The following RC3H2 variants were observed in gnomAD, a reference collection of about 807,000 sequenced individuals.
The protein encoded by RC3H2 is roquin-2.
RC3H2 carries 31 observed loss-of-function variants against 133.3 expected under a neutral mutation model. That is an observed-to-expected ratio of 0.23 (90% CI 0.17 to 0.31). The LOEUF (loss-of-function observed/expected upper bound fraction) is 0.31, where lower values mean the gene tolerates loss of function less well. RC3H2 is among the 10% of genes least tolerant of loss of function. The pLI is 1.00. For synonymous variants in RC3H2, 517 were observed against 502.2 expected (o/e 1.03, Z -0.40); for missense variants, 1,175 against 1,437.2 (o/e 0.82, Z 2.95).
chr9:122,853,739 T>C, intron 18 of RC3H2: 1 of 1,300,592 alleles, frequency 7.7e-7, no homozygotes. Flanking sequence ...AGAGCAAGAT[T>C]CCATCTCAAA....
chr9:122,900,703 G>C (rs1313792328), intron 1 of RC3H2, among the ~76,000 whole-genome samples: 2 of 152,064 alleles, frequency 1.3e-5, no homozygotes, highest in Non-Finnish European at 2.9e-5. Flanking sequence ...TACTACTGAA[G>C]TATTCTTCTC....
chr9:122,872,873 A>G (rs1831159646), intron 9 of RC3H2, among the ~76,000 whole-genome samples: 1 of 152,240 alleles, frequency 6.6e-6, no homozygotes, highest in Admixed American at 6.5e-5. Flanking sequence ...GGCATGAGCC[A>G]CTGCTCCTGG....
intron 15 of RC3H2, 101 bp from the exon 16 acceptor site, chr9:122,854,716 G>T: frequency 2.6e-6 from 2 of 763,130 alleles, no homozygotes; most frequent in African/African-American, 1.7e-5. Context: ...TATCCCACTA[G>T]CCATATGATG....
At chr9:122,865,006 G>A (rs1164697105) in intron 10 of RC3H2, among the ~76,000 whole-genome samples, 2 of 152,024 alleles carry the variant, frequency 1.3e-5, no homozygotes, top group Non-Finnish European at 2.9e-5. Context: ...TACCTGCTTA[G>A]GTTTCTATTT....
chr9:122,850,435 T>TATAGATAGCTAGATAGATAG (rs1829977172), intron 20 of RC3H2, among the ~76,000 whole-genome samples: 1 of 149,862 alleles, frequency 6.7e-6, no homozygotes, highest in Non-Finnish European at 1.5e-5. Context: ...GCTATCTATC[T>TATAGATAGCTAGATAGATAG]ATAGATAGAT....
Position 122,859,966 on chromosome 9 carries a change from T to C in RC3H2, c.1800A>G (p.Gln600=). ...CAAAGGGTATCTGAGTCCTTGGATC[T>C]TGAAAATACTGAATGTTTTCAGAAT... ...PPHSENIQYF[Q]DPRTQIPFEV... is the part of the protein sequence containing the mutation. Residue 600 remains glutamine (Q), a synonymous_variant, in exon 11 of 21, where the codon CAA becomes CAG. Coordinates refer to ENST00000357244, the MANE Select transcript of RC3H2 (RefSeq NM_001100588.3). 3.1e-6 allele frequency: 5 copies of C among 1,614,214 alleles called. No individual in the cohort carries two copies. Among genetic ancestry groups the C allele is most frequent in the African/African-American group, 1.3e-5 (1 of 75,062 alleles).
chr9:122,897,038 A>G (rs1832451315), intron 2 of RC3H2, among the ~76,000 whole-genome samples: 1 of 150,238 alleles, frequency 6.7e-6, no homozygotes, highest in Non-Finnish European at 1.5e-5. Context: ...AAAAAAAAAA[A>G]AAAAAAAAAA....
intron 9 of RC3H2, among the ~76,000 whole-genome samples, chr9:122,869,190 G>A (rs1448311776): frequency 6.6e-6 from 1 of 152,068 alleles, no homozygotes; most frequent in Non-Finnish European, 1.5e-5. Context: ...ACGGGTGTGA[G>A]CCACCATGCC....
rs79170821 is a variant in RC3H2, at chr9:122,871,924, G to A, written c.1325+5547C>T. Among the ~76,000 whole-genome samples, 857 of 151,876 alleles carry A rather than the reference G, an allele frequency of 5.6e-3. 5 individuals carry two copies. The highest frequency in any genetic ancestry group is 0.049 in the East Asian group (252 of 5,146). ...GAGTCTCCATCACCCAGGCAGGAGT[G>A]AGTCACCATGCCCAGCCAATTTTTT... On this transcript the variant is annotated intron_variant, in intron 9 of 20. Coordinates refer to ENST00000357244, the MANE Select transcript of RC3H2 (RefSeq NM_001100588.3).
At chr9:122,898,618 A>G (rs1832521614) in intron 1 of RC3H2, among the ~76,000 whole-genome samples, 1 of 152,064 alleles carries the variant, frequency 6.6e-6, no homozygotes, top group South Asian at 2.1e-4. Context: ...ACGTGGTGGC[A>G]CATGCCTGTA....
In RC3H2 at chr9:122,845,400, A is replaced by G. The variant is rs867784524; in HGVS notation, c.*4227T>C. On this transcript the variant is annotated 3_prime_UTR_variant, in exon 21 of 21. Coordinates refer to ENST00000357244, the MANE Select transcript of RC3H2 (RefSeq NM_001100588.3). ...TTTGCCCAGCTAAGAGAATGCATGC[A>G]CTTCCATGCCTTGGGTTATAAAGTG... is the stretch of plus-strand genomic sequence containing the variant. 13 of 152,206 alleles carry G rather than the reference A, an allele frequency of 8.5e-5. No individual in the cohort carries two copies. The highest frequency in any genetic ancestry group is 5.2e-4 in the Admixed American group (8 of 15,284). The allele number at this position is 152,206 out of a possible 1,614,324, so 9.4% of individuals were successfully genotyped here.
intron 11 of RC3H2, 149 bp from the exon 12 acceptor site, chr9:122,859,251 G>GGTTTTTTTTT: frequency 9.8e-6 from 3 of 307,254 alleles, no homozygotes; most frequent in East Asian, 4.2e-4. Context: ...TTATACCCTG[G>GGTTTTTTTTT]CTTTTTTTTT....
At chr9:122,875,879 T>C (rs1288150072) in intron 9 of RC3H2, among the ~76,000 whole-genome samples, 5 of 152,302 alleles carry the variant, frequency 3.3e-5, no homozygotes, top group South Asian at 2.1e-4. Flanking sequence ...GGCCACAACA[T>C]AGATTTTATT....
In RC3H2 at chr9:122,846,483, C is replaced by T. The variant is rs1829871285; in HGVS notation, c.*3144G>A. ...AGAAAAAATATATATGTAACTTCCT[C>T]TGAATTCATAAAATGAAATGAAACC... On this transcript the variant is annotated 3_prime_UTR_variant, in exon 21 of 21. Coordinates refer to ENST00000357244, the MANE Select transcript of RC3H2 (RefSeq NM_001100588.3). 1 of 152,130 alleles carries T rather than the reference C, an allele frequency of 6.6e-6. No homozygotes were observed. The highest frequency in any genetic ancestry group is 1.5e-5 in the Non-Finnish European group (1 of 68,016). The allele number at this position is 152,130 out of a possible 1,614,324, so 9.4% of individuals were successfully genotyped here.
chr9:122,868,835 CTATATGTGTGTGTG>C (rs1277087762), intron 9 of RC3H2, among the ~76,000 whole-genome samples: 151 of 135,830 alleles, frequency 1.1e-3, no homozygotes, highest in African/African-American at 4.0e-3. Flanking sequence ...ATATTCCCTC[CTATATGTGTGTGTG>C]TGTGTGTGTG....
intron 1 of RC3H2, chr9:122,898,198 T>C (rs1832501505): frequency 6.6e-6 from 1 of 152,176 alleles, no homozygotes; most frequent in Non-Finnish European, 1.5e-5. Flanking sequence ...TGTTCATAAA[T>C]GAAAGACTAA....
chr9:122,866,193 A>G (rs1227999762), intron 9 of RC3H2, among the ~76,000 whole-genome samples: 2 of 152,346 alleles, frequency 1.3e-5, no homozygotes, highest in Non-Finnish European at 2.9e-5. Flanking sequence ...GAAATTCTGT[A>G]TTATAGTTCT....
intron 3 of RC3H2, among the ~76,000 whole-genome samples, chr9:122,891,407 C>T (rs150359291): frequency 6.6e-6 from 1 of 152,170 alleles, no homozygotes; most frequent in Non-Finnish European, 1.5e-5. Flanking sequence ...GCCTTAACTA[C>T]TTAGCCAATT....
chr9:122,853,882 G>GATT (rs753510418), intron 18 of RC3H2, 70 bp downstream of exon 18: 1 of 1,613,980 alleles, frequency 6.2e-7, no homozygotes, highest in East Asian at 2.2e-5. Flanking sequence ...ACTCAGTAAT[G>GATT]GTATAACCAA....
Sources: gnomAD v4.1 joint callset for allele counts (sites outside exome capture counted in the v4.1 genomes callset) on GRCh38, gnomAD v4.1.1 for gene constraint, MANE v1.5 for transcripts, NCBI Gene and HGNC (gene_info 2026-07-23, HGNC 2026-07-21) for gene names.